Variants in ANKRD55 observed in about 807,000 individuals in gnomAD.
The protein encoded by ANKRD55 is ankyrin repeat domain 55.
A neutral mutation model predicts 60.6 loss-of-function variants in ANKRD55; 41 were observed. The observed-to-expected ratio is 0.68, with a 90% CI of 0.53 to 0.88. The LOEUF (loss-of-function observed/expected upper bound fraction) is 0.88. Among genes scored for constraint, ANKRD55 ranks in the 40% least tolerant of loss-of-function variants. ANKRD55 has a pLI of 0.00. For synonymous variants in ANKRD55, 264 were observed against 290.3 expected (o/e 0.91, Z 0.92); for missense variants, 732 against 767.6 (o/e 0.95, Z 0.55).
At chr5:56,164,858 G>A (rs1758413002) in intron 5 of ANKRD55, among the ~76,000 whole-genome samples, 1 of 152,196 alleles carries the variant, frequency 6.6e-6, no homozygotes, top group Non-Finnish European at 1.5e-5. Context: ...TAAACCCAGT[G>A]TGCCTTCACG....
At chr5:56,127,604 G>A (rs1300858352) in intron 7 of ANKRD55, 7 of 984,194 alleles carry the variant, frequency 7.1e-6, no homozygotes, top group Non-Finnish European at 7.2e-6. Context: ...TAGGGCCAAG[G>A]AGCAGGGGGC....
intron 3 of ANKRD55, 87 bp from the exon 4 acceptor site, chr5:56,176,369 C>A: frequency 6.6e-7 from 1 of 1,525,436 alleles, no homozygotes; most frequent in Admixed American, 1.7e-5. Flanking sequence ...ATTTATTTTG[C>A]TATTTGCAAT....
chr5:56,132,912 T>C (rs1757461990), intron 7 of ANKRD55, among the ~76,000 whole-genome samples: 1 of 152,040 alleles, frequency 6.6e-6, no homozygotes, highest in Admixed American at 6.5e-5. Context: ...ACAAAGAAAG[T>C]TGTTAGGGAT....
intron 2 of ANKRD55, among the ~76,000 whole-genome samples, chr5:56,199,663 G>A (rs7720607): frequency 0.17 from 24,962 of 151,094 alleles, 3,930 homozygotes; most frequent in African/African-American, 0.41. Context: ...GGCCGAGGTG[G>A]GCGGATCACA....
At chr5:56,179,187 G>C (rs1368778300) in intron 3 of ANKRD55, among the ~76,000 whole-genome samples, 2 of 152,160 alleles carry the variant, frequency 1.3e-5, no homozygotes, top group East Asian at 1.9e-4. Flanking sequence ...AAGTGTCATA[G>C]AGCAATTAAA....
intron 4 of ANKRD55, among the ~76,000 whole-genome samples, chr5:56,173,572 CTCTCTCTCTCTATA>C (rs778468200): frequency 6.8e-4 from 72 of 106,056 alleles, no homozygotes; most frequent in African/African-American, 3.0e-3. Flanking sequence ...CTCTCTCTCT[CTCTCTCTCTCTATA>C]TATATATATA....
rs1000579313 is a variant in ANKRD55, at chr5:56,192,845, C to G, written c.59-9211G>C. 5.6e-5 allele frequency: 40 copies of G among 714,194 alleles called. 1 individual carries two copies. The highest frequency in any genetic ancestry group is 6.0e-4 in the Middle Eastern group (2 of 3,360). The allele number at this position is 714,194 out of a possible 1,614,324, so 44.2% of individuals were successfully genotyped here. ...CTGGGTTATGACAGGCTCTCAAAAC[C>G]TACAGAAAAAGGCCAAACATGTCAA... On this transcript the variant is annotated intron_variant, in intron 2 of 11. Transcript: ENST00000341048.
At chr5:56,212,062 A>T (rs1759687241) in intron 2 of ANKRD55, among the ~76,000 whole-genome samples, 1 of 131,352 alleles carries the variant, frequency 7.6e-6, no homozygotes, top group Non-Finnish European at 1.6e-5. Context: ...ACACACACAC[A>T]CACACACACA....
intron 2 of ANKRD55, among the ~76,000 whole-genome samples, chr5:56,192,136 TC>T (rs1759109550): frequency 6.6e-6 from 1 of 152,008 alleles, no homozygotes; most frequent in African/African-American, 2.4e-5. Context: ...TCTCTCTCTT[TC>T]TCATCTATTT....
chr5:56,208,115 C>T (rs183425576), intron 2 of ANKRD55, among the ~76,000 whole-genome samples: 81 of 151,882 alleles, frequency 5.3e-4, no homozygotes, highest in African/African-American at 1.8e-3. Context: ...CACACATTAG[C>T]CTAGGCCTAC....
chr5:56,226,111 A>G (rs1760104692), intron 2 of ANKRD55, among the ~76,000 whole-genome samples: 1 of 152,214 alleles, frequency 6.6e-6, no homozygotes, highest in South Asian at 2.1e-4. Context: ...CCAAAACAGC[A>G]TGGTACTGGT....
At chr5:56,211,647 T>C (rs1759676788) in intron 2 of ANKRD55, among the ~76,000 whole-genome samples, 1 of 152,166 alleles carries the variant, frequency 6.6e-6, no homozygotes, top group Admixed American at 6.5e-5. Flanking sequence ...ACTTGTGACC[T>C]CTTTTTGGTG....
At chr5:56,112,511 A>AAAAAAAAAAAACAAAAAAAAAAAC (rs1756759300) in intron 9 of ANKRD55, among the ~76,000 whole-genome samples, 1 of 81,526 alleles carries the variant, frequency 1.2e-5, no homozygotes, top group African/African-American at 5.4e-5. Flanking sequence ...TAGCAAAAAA[A>AAAAAAAAAAAACAAAAAAAAAAAC]AAAAAAAAAA....
rs1561263682 is a variant in ANKRD55, at chr5:56,135,245, TCCTTCCTTCCTTCCTTCTTTCCC to T, written c.613-8162_613-8140del. On this transcript the variant is annotated intron_variant, in intron 7 of 11. Transcript: ENST00000341048. ...TTCCTTCCTTCCTTCCTTCCTTCCT[TCCTTCCTTCCTTCCTTCTTTCCC>T]TCCCTCCCTCCCTGCCTGCCTGCTT... Among the ~76,000 whole-genome samples the T allele has an allele frequency of 1.2e-4, 17 of 140,428 alleles. 1 individual carries two copies. The highest frequency in any genetic ancestry group is 4.9e-4 in the South Asian group (2 of 4,054). The allele number at this position is 140,428 out of a possible 152,430, so 92.1% of individuals were successfully genotyped here. A position where few individuals can be genotyped will look rare whatever the true frequency, so the allele number is the denominator to read the frequency against.
intron 2 of ANKRD55, chr5:56,192,711 G>T: frequency 7.3e-7 from 1 of 1,375,110 alleles, no homozygotes; most frequent in Non-Finnish European, 1.0e-6. Context: ...GATGATAATG[G>T]ACAGAATCAT....
chr5:56,126,045 A>T (rs922404917), intron 8 of ANKRD55, among the ~76,000 whole-genome samples: 1 of 152,152 alleles, frequency 6.6e-6, no homozygotes, highest in Non-Finnish European at 1.5e-5. Flanking sequence ...GAGGCAAGGG[A>T]ATCGCTTGGA....
intron 2 of ANKRD55, among the ~76,000 whole-genome samples, chr5:56,212,215 A>G (rs1759692070): frequency 1.3e-5 from 2 of 152,222 alleles, no homozygotes; most frequent in African/African-American, 2.4e-5. Context: ...AGTTTATTCT[A>G]GAATATAAAG....
At chr5:56,165,012 T>A (rs1166145656) in intron 5 of ANKRD55, among the ~76,000 whole-genome samples, 1 of 152,230 alleles carries the variant, frequency 6.6e-6, no homozygotes, top group African/African-American at 2.4e-5. Flanking sequence ...GGCAAAGGAC[T>A]AATTGAAGCG....
chr5:56,111,859 C>G, intron 9 of ANKRD55, 77 bp from the exon 10 acceptor site: 1 of 1,320,548 alleles, frequency 7.6e-7, no homozygotes. Flanking sequence ...TACCGACCCC[C>G]TATTCCACAT....
Sources: allele counts gnomAD v4.1 joint callset (sites outside exome capture counted in the v4.1 genomes callset), GRCh38; gene constraint gnomAD v4.1.1; transcripts MANE v1.5; gene names NCBI Gene and HGNC (gene_info 2026-07-23, HGNC 2026-07-21).